Variants in GABBR2 observed in about 807,000 individuals in gnomAD.
GABBR2 encodes the protein gamma-aminobutyric acid type B receptor subunit 2, also known as G-protein coupled receptor 51.
Under a neutral mutation model 105.6 loss-of-function variants are expected in GABBR2, and 23 were observed. The observed-to-expected ratio is 0.22, with a 90% CI of 0.16 to 0.31. The LOEUF (loss-of-function observed/expected upper bound fraction) is 0.31. GABBR2 is among the 10% of genes least tolerant of loss of function. The probability of loss-of-function intolerance (pLI) is 1.00; values close to 1 mark genes in which losing one functional copy is unlikely to be tolerated. For missense variants in GABBR2, 734 were observed against 1,245.5 expected (o/e 0.59, Z 6.18); for synonymous variants, 478 against 499.7 (o/e 0.96, Z 0.58).
intron 1 of GABBR2, among the ~76,000 whole-genome samples, chr9:98,655,756 C>T (rs765968485): frequency 3.9e-5 from 6 of 152,100 alleles, no homozygotes; most frequent in Non-Finnish European, 7.4e-5. Context: ...AAACACCGCA[C>T]GTTCTCACTC....
chr9:98,409,023 T>C (rs1209068785), intron 7 of GABBR2, among the ~76,000 whole-genome samples: 2 of 152,154 alleles, frequency 1.3e-5, no homozygotes, highest in Non-Finnish European at 2.9e-5. Context: ...GAGACCTATC[T>C]GGAAAGAAGG....
At chr9:98,509,261 C>T (rs776772722) in intron 3 of GABBR2, among the ~76,000 whole-genome samples, 3 of 152,088 alleles carry the variant, frequency 2.0e-5, no homozygotes, top group Non-Finnish European at 4.4e-5. Context: ...CACCAAAAAC[C>T]CCATCTGTAC....
At chr9:98,318,900 TGTGTGTGTGTGTGTTGGGG>T (rs1257274144) in intron 13 of GABBR2, among the ~76,000 whole-genome samples, 3 of 131,176 alleles carry the variant, frequency 2.3e-5, no homozygotes, top group Non-Finnish European at 3.3e-5. Context: ...TTTGTGTGTG[TGTGTGTGTGTGTGTTGGGG>T]GTGTGTGTGT....
intron 7 of GABBR2, among the ~76,000 whole-genome samples, chr9:98,442,439 C>G (rs908845027): frequency 6.6e-6 from 1 of 152,174 alleles, no homozygotes; most frequent in Non-Finnish European, 1.5e-5. Flanking sequence ...AAGTGAGGGT[C>G]GAAAGTTAGA....
At chr9:98,601,962 T>C (rs112040964) in intron 1 of GABBR2, among the ~76,000 whole-genome samples, 6 of 152,090 alleles carry the variant, frequency 3.9e-5, no homozygotes, top group African/African-American at 1.2e-4. Flanking sequence ...AGTTGCTGAG[T>C]TGGTTTTAGA....
At chr9:98,453,886 C>G (rs1826278042) in intron 7 of GABBR2, 95 bp downstream of exon 7, 2 of 845,216 alleles carry the variant, frequency 2.4e-6, no homozygotes, top group Non-Finnish European at 4.0e-6. Flanking sequence ...TCAGAGATAA[C>G]AGATCACATA....
chr9:98,704,455 T>A (rs1830869016), intron 1 of GABBR2, among the ~76,000 whole-genome samples: 7 of 152,104 alleles, frequency 4.6e-5, no homozygotes, highest in Admixed American at 4.6e-4. Flanking sequence ...AATAGGGGAA[T>A]GATTAAATAC....
intron 17 of GABBR2, among the ~76,000 whole-genome samples, chr9:98,298,098 T>A (rs1830411667): frequency 6.7e-6 from 1 of 150,108 alleles, no homozygotes; most frequent in Admixed American, 6.6e-5. Context: ...CTTTCCACAA[T>A]ACCATTTCTT....
At chr9:98,354,459 T>C (rs998568090) in intron 13 of GABBR2, among the ~76,000 whole-genome samples, 2 of 152,260 alleles carry the variant, frequency 1.3e-5, no homozygotes, top group African/African-American at 4.8e-5. Flanking sequence ...CTGTTTCATC[T>C]CCATTGAAAA....
intron 14 of GABBR2, among the ~76,000 whole-genome samples, chr9:98,310,450 G>A (rs149894303): frequency 1.9e-3 from 282 of 152,192 alleles, no homozygotes; most frequent in Non-Finnish European, 2.8e-3. Context: ...GTTTTGCCAC[G>A]TTGGTCAGGC....
chr9:98,506,507 G>A (rs961339421), intron 3 of GABBR2, among the ~76,000 whole-genome samples: 4 of 152,194 alleles, frequency 2.6e-5, no homozygotes, highest in Non-Finnish European at 4.4e-5. Flanking sequence ...AGGCAACTTC[G>A]CAAGGGCTGG....
chr9:98,481,766 T>A (rs908462893), intron 4 of GABBR2, among the ~76,000 whole-genome samples: 2 of 152,204 alleles, frequency 1.3e-5, no homozygotes, highest in African/African-American at 4.8e-5. Flanking sequence ...ACATAGTGAG[T>A]GTCCACCTTT....
chr9:98,564,295 G>A (rs537467548), intron 2 of GABBR2, among the ~76,000 whole-genome samples: 1 of 152,324 alleles, frequency 6.6e-6, no homozygotes, highest in South Asian at 2.1e-4. Flanking sequence ...ACCTCACCTT[G>A]TGGCCTGCTT....
At chr9:98,604,767 C>T (rs1407168789) in intron 1 of GABBR2, among the ~76,000 whole-genome samples, 2 of 152,156 alleles carry the variant, frequency 1.3e-5, no homozygotes, top group African/African-American at 4.8e-5. Context: ...TCATCTGTAA[C>T]ACTCAAAACA....
At chr9:98,535,629 T>G (rs941633030) in intron 3 of GABBR2, among the ~76,000 whole-genome samples, 4 of 152,146 alleles carry the variant, frequency 2.6e-5, no homozygotes, top group Non-Finnish European at 5.9e-5. Flanking sequence ...TCTCAGATTT[T>G]GGTACCCATG....
intron 1 of GABBR2, among the ~76,000 whole-genome samples, chr9:98,677,987 T>TATCTAAGA (rs1830496028): frequency 6.6e-6 from 1 of 152,232 alleles, no homozygotes. Context: ...CCTAGCTAGC[T>TATCTAAGA]ATCTAAGATG....
rs115696076 is a variant in GABBR2, at chr9:98,691,035, G to T, written c.321+17382C>A. Among the ~76,000 whole-genome samples the T allele has an allele frequency of 1.8e-3, 272 of 152,302 alleles. 1 individual carries two copies. The highest frequency in any genetic ancestry group is 6.3e-3 in the African/African-American group (262 of 41,570). On this transcript the variant is annotated intron_variant, in intron 1 of 18. Coordinates refer to ENST00000259455, the MANE Select transcript of GABBR2 (RefSeq NM_005458.8). Reference sequence around the variant, plus strand: ...CATTAAGAGAAACATAAAGTTGATTGCATCTATTATGTCCACCTACAGACT... The same window carrying T: ...CATTAAGAGAAACATAAAGTTGATTTCATCTATTATGTCCACCTACAGACT...
At chr9:98,459,232 C>A (rs1826381254) in intron 6 of GABBR2, among the ~76,000 whole-genome samples, 1 of 152,160 alleles carries the variant, frequency 6.6e-6, no homozygotes, top group Admixed American at 6.5e-5. Context: ...TCGCTTATAT[C>A]AGACCAAAGC....
intron 13 of GABBR2, among the ~76,000 whole-genome samples, chr9:98,323,097 C>T (rs1414818815): frequency 1.3e-5 from 2 of 152,302 alleles, no homozygotes; most frequent in South Asian, 4.1e-4. Flanking sequence ...ACCCGCTCCA[C>T]GTTACACAGG....
Sources: gnomAD v4.1 joint callset for allele counts (sites outside exome capture counted in the v4.1 genomes callset) on GRCh38, gnomAD v4.1.1 for gene constraint, MANE v1.5 for transcripts, NCBI Gene and HGNC (gene_info 2026-07-23, HGNC 2026-07-21) for gene names.